ECHDC3: variants seen among roughly 807,000 people sequenced by gnomAD.
ECHDC3 encodes enoyl-CoA hydratase domain-containing protein 3, mitochondrial.
In ECHDC3, 20 loss-of-function variants were observed where a neutral mutation model predicts 17.9. The ratio of observed to expected loss-of-function variants is 1.12; its 90% CI spans 0.79 to 1.63. The LOEUF (loss-of-function observed/expected upper bound fraction) is 1.63. Among genes scored for constraint, ECHDC3 ranks in the 40% most tolerant of loss-of-function variants. The pLI is 0.00. For synonymous variants in ECHDC3, 177 were observed against 149.7 expected, an observed-to-expected ratio of 1.18 and a Z score of -1.33; for missense variants, 407 against 357.7, an observed-to-expected ratio of 1.14 and a Z score of -1.11.
In ECHDC3 at chr10:11,756,779, C is replaced by T. The variant is rs375398672; in HGVS notation, c.591+1171C>T. Among the ~76,000 whole-genome samples, 39 of 150,848 alleles carry T rather than the reference C, an allele frequency of 2.6e-4. 2 individuals carry two copies. The East Asian group carries it at 3.9e-3, about 15-fold the overall frequency. On this transcript the variant is annotated intron_variant, in intron 4 of 4. Transcript: ENST00000379215. ...TTTTTTTTTTTTTGAAACAGAGTCT[C>T]GCTCTGTCACCCAGGCTGGAGTACA...
chr10:11,755,536 C>T lies in ECHDC3; in HGVS notation c.519C>T (p.Ala173=), dbSNP rs1409363374. 1.9e-6 allele frequency: 3 copies of T among 1,614,126 alleles called. No homozygotes were observed. The highest frequency in any genetic ancestry group is 2.5e-6 in the Non-Finnish European group (3 of 1,180,002). The change falls in exon 4 of 5, where the codon GCC becomes GCT. Residue 173 remains alanine, a synonymous_variant. Transcript: ENST00000379215. ...IAVASDKSSF[A]TPGVNVGLFC... is the part of the protein sequence containing the mutation. ...TGGCGAGCGACAAGTCCTCTTTTGCCACTCCTGGGGTGAACGTCGGGCTCT... is the reference window on the plus strand; with the variant it reads ...TGGCGAGCGACAAGTCCTCTTTTGCTACTCCTGGGGTGAACGTCGGGCTCT...
intron 1 of ECHDC3, among the ~76,000 whole-genome samples, chr10:11,744,721 G>C (rs191026305): frequency 3.5e-4 from 54 of 152,288 alleles, no homozygotes; most frequent in Admixed American, 1.1e-3. Context: ...GATGCCAGTT[G>C]AATCAGGAAG....
intron 2 of ECHDC3, 21 bp downstream of exon 2, chr10:11,747,491 C>T: frequency 6.2e-7 from 1 of 1,612,258 alleles, no homozygotes; most frequent in Non-Finnish European, 8.5e-7. Context: ...GATATCTGTC[C>T]TTAGTATTCT....
intron 1 of ECHDC3, among the ~76,000 whole-genome samples, chr10:11,743,149 GCCCTTGTGGCTA>G (rs1453311842): frequency 6.6e-6 from 1 of 152,212 alleles, no homozygotes; most frequent in Non-Finnish European, 1.5e-5. Context: ...CCTGAGCGCT[GCCCTTGTGGCTA>G]CGGGCCCAAA....
At chr10:11,748,632 T>G (rs1832789885) in intron 2 of ECHDC3, among the ~76,000 whole-genome samples, 1 of 152,148 alleles carries the variant, frequency 6.6e-6, no homozygotes, top group Non-Finnish European at 1.5e-5. Flanking sequence ...ATGTCTGTAA[T>G]CCCAATACTT....
intron 3 of ECHDC3, among the ~76,000 whole-genome samples, chr10:11,751,288 A>G (rs1384057866): frequency 6.6e-6 from 1 of 152,356 alleles, no homozygotes; most frequent in South Asian, 2.1e-4. Flanking sequence ...CAGAGGATAA[A>G]GCCCAGATTT....
intron 3 of ECHDC3, among the ~76,000 whole-genome samples, chr10:11,750,304 A>T (rs1832809927): frequency 6.6e-6 from 1 of 152,248 alleles, no homozygotes; most frequent in South Asian, 2.1e-4. Flanking sequence ...AAAAGATTTT[A>T]AACTAAAACA....
At chr10:11,755,857 C>T in intron 4 of ECHDC3, 1 of 475,106 alleles carries the variant, frequency 2.1e-6, no homozygotes, top group Non-Finnish European at 3.7e-6. Context: ...GCATTTCCAT[C>T]ATGCGTACCC....
chr10:11,747,550 T>G (rs755862437), intron 2 of ECHDC3, 80 bp downstream of exon 2: 113 of 1,498,622 alleles, frequency 7.5e-5, no homozygotes, highest in Middle Eastern at 1.7e-4. Flanking sequence ...GGGGCATCCC[T>G]TTATTTAACT....
intron 4 of ECHDC3, among the ~76,000 whole-genome samples, chr10:11,761,861 C>T (rs1187161215): frequency 6.6e-6 from 1 of 152,230 alleles, no homozygotes; most frequent in Non-Finnish European, 1.5e-5. Flanking sequence ...CTCCTTCCTT[C>T]CCTCATAAAT....
chr10:11,747,294 T>C (rs1832771742), intron 1 of ECHDC3, 55 bp from the exon 2 acceptor site: 2 of 1,598,106 alleles, frequency 1.3e-6, no homozygotes, highest in Non-Finnish European at 8.5e-7. Context: ...ATCGCAGGGG[T>C]CCTCACTTGT....
intron 1 of ECHDC3, among the ~76,000 whole-genome samples, chr10:11,745,707 G>C (rs2133786203): frequency 6.6e-6 from 1 of 152,344 alleles, no homozygotes; most frequent in South Asian, 2.1e-4. Flanking sequence ...AAAAAAGATT[G>C]AGGAAGGTAG....
At chr10:11,749,404 A>G (rs1832798788) in intron 2 of ECHDC3, 91 bp from the exon 3 acceptor site, 2 of 1,209,382 alleles carry the variant, frequency 1.7e-6, no homozygotes, top group Admixed American at 2.0e-5. Flanking sequence ...AGTTTGCTGA[A>G]GTTATTCAGT....
chr10:11,744,513 G>C (rs1244402264), intron 1 of ECHDC3, among the ~76,000 whole-genome samples: 2 of 152,106 alleles, frequency 1.3e-5, no homozygotes, highest in East Asian at 3.9e-4. Flanking sequence ...CAGCTCATGG[G>C]GGCATTTATA....
At chr10:11,758,082 CATGT>C (rs1055489699) in intron 4 of ECHDC3, among the ~76,000 whole-genome samples, 6 of 152,178 alleles carry the variant, frequency 3.9e-5, no homozygotes, top group African/African-American at 1.4e-4. Flanking sequence ...GATAAGACAA[CATGT>C]ATGGGTCACT....
chr10:11,758,396 T>C (rs771144459), intron 4 of ECHDC3, among the ~76,000 whole-genome samples: 27 of 152,170 alleles, frequency 1.8e-4, no homozygotes, highest in Non-Finnish European at 3.7e-4. Flanking sequence ...TGAGAAGCCC[T>C]TCCTCCCAGA....
rs116187638 is a variant in ECHDC3, at chr10:11,761,633, A to G, written c.592-1591A>G. 3.4e-3 allele frequency among the ~76,000 whole-genome samples: 516 copies of G among 152,196 alleles called. 1 individual carries two copies. Among genetic ancestry groups the G allele is most frequent in the African/African-American group, 0.011 (438 of 41,522 alleles). On this transcript the variant is annotated intron_variant, in intron 4 of 4. Coordinates refer to ENST00000379215, the MANE Select transcript of ECHDC3 (RefSeq NM_024693.5). ...GCTCACGTGTCTGGCTGTGAATGCT[A>G]CCTCTCAGCTGGGCCCCCACAAGGG...
At chr10:11,755,769 A>C in intron 4 of ECHDC3, 161 bp downstream of exon 4, 41 of 620,084 alleles carry the variant, frequency 6.6e-5, no homozygotes, top group Non-Finnish European at 9.3e-5. Context: ...GTTCCCTCTA[A>C]TGGCAGGGAG....
intron 3 of ECHDC3, among the ~76,000 whole-genome samples, chr10:11,754,912 G>A (rs1588464387): frequency 6.6e-6 from 1 of 152,246 alleles, no homozygotes; most frequent in East Asian, 1.9e-4. Context: ...GCCTGGTTCA[G>A]AGTAGATATT....
Sources: gnomAD v4.1 joint callset for allele counts (sites outside exome capture counted in the v4.1 genomes callset) on GRCh38, gnomAD v4.1.1 for gene constraint, MANE v1.5 for transcripts, NCBI Gene and HGNC (gene_info 2026-07-23, HGNC 2026-07-21) for gene names.